Variants in LRRC49 observed in about 807,000 individuals in gnomAD.
The protein encoded by LRRC49 is leucine rich repeat containing 49.
LRRC49 carries 50 observed loss-of-function variants against 83.3 expected under a neutral mutation model. The ratio of observed to expected loss-of-function variants is 0.60; its 90% CI spans 0.48 to 0.76. LRRC49 has a LOEUF of 0.76. Ranked by LOEUF, LRRC49 falls within the 30% of genes least tolerant of loss-of-function variation. The pLI, the probability that LRRC49 is intolerant of heterozygous loss-of-function variation, is 0.00. For synonymous variants in LRRC49, 286 were observed against 283.3 expected, an observed-to-expected ratio of 1.01 and a Z score of -0.10; for missense variants, 704 against 809.1, an observed-to-expected ratio of 0.87 and a Z score of 1.58.
intron 7 of LRRC49, among the ~76,000 whole-genome samples, chr15:70,924,533 C>T (rs916951295): frequency 1.8e-4 from 28 of 151,900 alleles, no homozygotes; most frequent in African/African-American, 6.8e-4. Context: ...AGATAAGGAC[C>T]TTAGAATCAT....
intron 14 of LRRC49, among the ~76,000 whole-genome samples, chr15:71,015,837 A>T (rs374700222): frequency 6.6e-6 from 1 of 152,222 alleles, no homozygotes; most frequent in Non-Finnish European, 1.5e-5. Flanking sequence ...ACAAATATCT[A>T]TGTGCAAGGA....
At chr15:70,923,357 G>A (rs2035076272) in intron 7 of LRRC49, among the ~76,000 whole-genome samples, 1 of 151,874 alleles carries the variant, frequency 6.6e-6, no homozygotes, top group African/African-American at 2.4e-5. Context: ...CAATGTATTT[G>A]TCTAGTATTT....
At chr15:70,892,130 T>C (rs985856133), upstream of LRRC49, 49 of 1,613,704 alleles carry the variant, frequency 3.0e-5, no homozygotes, top group Non-Finnish European at 4.2e-5. Flanking sequence ...CGAGCGGTCA[T>C]TGCCTCCGTA....
At chr15:71,018,571 C>T (rs1415309971) in intron 14 of LRRC49, among the ~76,000 whole-genome samples, 2 of 152,084 alleles carry the variant, frequency 1.3e-5, no homozygotes, top group African/African-American at 2.4e-5. Flanking sequence ...CTCTTAGAAC[C>T]GAACTTACTT....
At chr15:70,965,121 A>G (rs1202405089) in intron 9 of LRRC49, among the ~76,000 whole-genome samples, 3 of 152,018 alleles carry the variant, frequency 2.0e-5, no homozygotes, top group Non-Finnish European at 2.9e-5. Flanking sequence ...CCTTATCTCC[A>G]TGTCTTTCTT....
chr15:71,016,358 G>A (rs2038827166), intron 14 of LRRC49, among the ~76,000 whole-genome samples: 3 of 152,066 alleles, frequency 2.0e-5, no homozygotes, highest in Admixed American at 1.3e-4. Flanking sequence ...CCTCTGGGAT[G>A]TGACCAAAGC....
intron 11 of LRRC49, among the ~76,000 whole-genome samples, chr15:70,998,639 T>C (rs1288942801): frequency 6.6e-6 from 1 of 152,180 alleles, no homozygotes; most frequent in Non-Finnish European, 1.5e-5. Context: ...AGTAGTTTGA[T>C]TATAATGTGT....
At chr15:70,916,586 C>T (rs1203259512) in intron 6 of LRRC49, among the ~76,000 whole-genome samples, 2 of 152,172 alleles carry the variant, frequency 1.3e-5, no homozygotes, top group Admixed American at 6.5e-5. Flanking sequence ...TGAGCTACCG[C>T]GCCTGGCCTC....
At chr15:70,917,560 A>C (rs1567051183) in intron 6 of LRRC49, among the ~76,000 whole-genome samples, 1 of 152,180 alleles carries the variant, frequency 6.6e-6, no homozygotes, top group Admixed American at 6.5e-5. Flanking sequence ...CTCTCTGCTG[A>C]GAGCTGCAGA....
chr15:71,027,895 A>G (rs1398755916), intron 14 of LRRC49, among the ~76,000 whole-genome samples: 1 of 152,104 alleles, frequency 6.6e-6, no homozygotes, highest in East Asian at 1.9e-4. Flanking sequence ...TGCAAACAGA[A>G]ACAATTTGAT....
chr15:70,857,043 C>A (rs1166362232), intron 1 of LRRC49, among the ~76,000 whole-genome samples: 3 of 152,148 alleles, frequency 2.0e-5, no homozygotes, highest in Non-Finnish European at 4.4e-5. Flanking sequence ...AAATCATGAC[C>A]TCAGCCTGGA....
intron 11 of LRRC49, among the ~76,000 whole-genome samples, chr15:71,007,607 T>C (rs2038500444): frequency 6.6e-6 from 1 of 151,394 alleles, no homozygotes; most frequent in Admixed American, 6.6e-5. Context: ...GATTAAGATA[T>C]TTCATTTATT....
chr15:70,877,694 A>T (rs1171282419), intron 2 of LRRC49, among the ~76,000 whole-genome samples: 2 of 152,160 alleles, frequency 1.3e-5, no homozygotes, highest in Non-Finnish European at 2.9e-5. Flanking sequence ...CCAGGAGTGA[A>T]ATTGTTTGGT....
chr15:70,944,633 G>A (rs1419195045), intron 8 of LRRC49, among the ~76,000 whole-genome samples: 1 of 152,096 alleles, frequency 6.6e-6, no homozygotes, highest in South Asian at 2.1e-4. Flanking sequence ...TCAAACTCCT[G>A]ACCTCAGATG....
intron 11 of LRRC49, among the ~76,000 whole-genome samples, chr15:71,001,499 C>G (rs935305128): frequency 2.0e-5 from 3 of 152,130 alleles, no homozygotes; most frequent in Non-Finnish European, 4.4e-5. Flanking sequence ...GAACACAGCC[C>G]TTTTTTATCC....
chr15:70,874,437 A>G (rs551026419), intron 2 of LRRC49, among the ~76,000 whole-genome samples: 1 of 152,338 alleles, frequency 6.6e-6, no homozygotes, highest in African/African-American at 2.4e-5. Context: ...GAAGCAATCA[A>G]ATTGATAATT....
At chr15:70,858,783 C>T (rs1391342565) in intron 1 of LRRC49, 2 of 1,013,274 alleles carry the variant, frequency 2.0e-6, no homozygotes, top group African/African-American at 1.6e-5. Flanking sequence ...AGCAGCTGCT[C>T]CTACACAAGT....
At chr15:70,858,509 C>G (rs999256266) in intron 1 of LRRC49, among the ~76,000 whole-genome samples, 4 of 152,214 alleles carry the variant, frequency 2.6e-5, no homozygotes, top group African/African-American at 9.7e-5. Context: ...GAGGGTGAGG[C>G]AGGAAAATCG....
At chr15:70,968,096 G>T (rs1596077897) in intron 9 of LRRC49, among the ~76,000 whole-genome samples, 1 of 151,884 alleles carries the variant, frequency 6.6e-6, no homozygotes. Flanking sequence ...CTATCAACCC[G>T]TAATCTGCAT....
Sources: allele counts gnomAD v4.1 joint callset (sites outside exome capture counted in the v4.1 genomes callset), GRCh38; gene constraint gnomAD v4.1.1; transcripts MANE v1.5; gene names NCBI Gene and HGNC (gene_info 2026-07-23, HGNC 2026-07-21).